TERF1: variants seen among roughly 807,000 people sequenced by gnomAD.
The protein encoded by TERF1 is telomeric repeat-binding factor 1.
In TERF1, 20 loss-of-function variants were observed where a neutral mutation model predicts 55.1. The ratio of observed to expected loss-of-function variants is 0.36; its 90% CI spans 0.26 to 0.53. The LOEUF is 0.53. Among genes scored for constraint, TERF1 ranks in the 20% least tolerant of loss-of-function variants. The pLI, the probability that TERF1 is intolerant of heterozygous loss-of-function variation, is 0.91. For synonymous variants in TERF1, 168 were observed against 181.2 expected, an observed-to-expected ratio of 0.93 and a Z score of 0.59; for missense variants, 439 against 535.7, an observed-to-expected ratio of 0.82 and a Z score of 1.78.
Position 73,046,382 on chromosome 8 carries a change from C to T in TERF1, c.*245C>T, listed in dbSNP as rs1267480116. 3 of 286,828 alleles carry T rather than the reference C, an allele frequency of 1.0e-5. No homozygotes were observed. The highest frequency in any genetic ancestry group is 1.9e-5 in the Non-Finnish European group (3 of 156,108). The allele number at this position is 286,828 out of a possible 1,614,324, so 17.8% of individuals were successfully genotyped here. A position where few individuals can be genotyped will look rare whatever the true frequency, so the allele number is the denominator to read the frequency against. Reference sequence around the variant, plus strand: ...ACCCTGCCACATTTAGTATCCCCACCCCCAAATCCTGTTCCAATGAAAAAA... The same window carrying T: ...ACCCTGCCACATTTAGTATCCCCACTCCCAAATCCTGTTCCAATGAAAAAA... On this transcript the variant is annotated 3_prime_UTR_variant, in exon 10 of 10. Coordinates refer to ENST00000276603, the MANE Select transcript of TERF1 (RefSeq NM_017489.3).
chr8:73,013,699 A>G, intron 1 of TERF1, 196 bp from the exon 2 acceptor site: 1 of 537,946 alleles, frequency 1.9e-6, no homozygotes, highest in East Asian at 3.6e-5. Context: ...TCTACATGTG[A>G]AAGTTATATT....
intron 4 of TERF1, among the ~76,000 whole-genome samples, chr8:73,023,062 CAA>C (rs1349116247): frequency 1.0e-5 from 1 of 98,108 alleles, no homozygotes; most frequent in African/African-American, 3.2e-5. Flanking sequence ...TGTTTAGGAA[CAA>C]AAAGATACAA....
chr8:73,016,343 G>T lies in TERF1; in HGVS notation c.415+2353G>T, dbSNP rs970423893. Among the ~76,000 whole-genome samples the T allele has an allele frequency of 2.6e-5, 4 of 152,150 alleles. 1 individual carries two copies. The stretch of plus-strand genomic sequence containing the variant: ...GGTTTGACAAGATTGGACATGTTTG[G>T]GGTGATGTGGCTGTAGACCCCCACG... On this transcript the variant is annotated intron_variant, in intron 2 of 9. Transcript: ENST00000276603.
rs146438503 is a variant in TERF1 at position 73,015,603 on chromosome 8, C to T, written c.415+1613C>T. Among the ~76,000 whole-genome samples the T allele has an allele frequency of 1.3e-3, 193 of 151,772 alleles. 3 individuals carry two copies. Among genetic ancestry groups the T allele is most frequent in the East Asian group, 7.5e-3 (39 of 5,170 alleles). On this transcript the variant is annotated intron_variant, in intron 2 of 9. Coordinates refer to ENST00000276603, the MANE Select transcript of TERF1 (RefSeq NM_017489.3). ...CTGTAATCCCAGCACTTTGGGAGGC[C>T]GAGGTGAGCGGATCACGAGGCCAGG...
At chr8:73,025,453 A>G (rs1435750760) in intron 5 of TERF1, among the ~76,000 whole-genome samples, 2 of 151,362 alleles carry the variant, frequency 1.3e-5, no homozygotes, top group African/African-American at 4.9e-5. Flanking sequence ...CTACAAAAAA[A>G]TACAAAAAAA....
rs763644823 is a variant in TERF1 at position 73,008,962 on chromosome 8, G to A, written c.76G>A (p.Glu26Lys). Reference protein sequence around the residue: ...ADGRDADPTEEQMAETERNDE... With the variant: ...ADGRDADPTEKQMAETERNDE... ...TGGTAGGGATGCCGACCCTACTGAGGAGCAGATGGCAGAAACAGAGAGAAA... is the reference window on the plus strand; with the variant it reads ...TGGTAGGGATGCCGACCCTACTGAGAAGCAGATGGCAGAAACAGAGAGAAA... Residue 26 changes from glutamate to lysine, a missense_variant, in exon 1 of 10, where the codon GAG (glutamate) becomes AAG (lysine). Transcript: ENST00000276603. 13 of 1,612,884 alleles carry A rather than the reference G, an allele frequency of 8.1e-6. No homozygotes were observed. In the East Asian group the frequency reaches 2.7e-4, roughly 33 times the overall value.
chr8:73,038,679 A>G (rs1277779826), intron 8 of TERF1: 3 of 667,588 alleles, frequency 4.5e-6, no homozygotes, highest in Non-Finnish European at 5.6e-6. Context: ...ATCATTTTTC[A>G]GTAATTACAG....
At position 73,045,988 on chromosome 8, in the gene TERF1, T is replaced by A; in HGVS notation, c.1171T>A (p.Leu391Met). 6.3e-7 allele frequency: 1 copy of A among 1,587,398 alleles called. No individual in the cohort carries two copies. Among genetic ancestry groups the A allele is most frequent in the Non-Finnish European group, 8.5e-7 (1 of 1,170,116 alleles). Residue 391 changes from leucine (L) to methionine (M), a missense_variant, in exon 10 of 10, where the codon TTG (leucine) becomes ATG (methionine). Physicochemically the swap from Leu to Met is conservative, Grantham distance 15 (BLOSUM62 2). Coordinates refer to ENST00000276603, the MANE Select transcript of TERF1 (RefSeq NM_017489.3). ...ATGGCTTTGGGAAGAAGACAAGAAT[T>A]TGAGATCTGGCGTGAGGAAATATGG... The part of the protein sequence containing the change: ...QAWLWEEDKN[L>M]RSGVRKYGEG...
intron 7 of TERF1, 151 bp downstream of exon 7, chr8:73,030,546 C>A: frequency 2.0e-6 from 1 of 497,522 alleles, no homozygotes; most frequent in East Asian, 3.6e-5. Flanking sequence ...GACTCTGAGA[C>A]ATCTTGAAAT....
intron 8 of TERF1, among the ~76,000 whole-genome samples, chr8:73,032,715 A>C (rs1809340660): frequency 6.6e-6 from 1 of 152,204 alleles, no homozygotes; most frequent in Non-Finnish European, 1.5e-5. Flanking sequence ...TTTCAGAAAC[A>C]TTAAGTACAG....
At chr8:73,042,094 T>A (rs1339579259) in intron 9 of TERF1, among the ~76,000 whole-genome samples, 1 of 152,172 alleles carries the variant, frequency 6.6e-6, no homozygotes, top group African/African-American at 2.4e-5. Flanking sequence ...GTTCAACAGC[T>A]TTTTTCTTCT....
intron 1 of TERF1, 167 bp downstream of exon 1, chr8:73,009,372 C>G (rs1808181785): frequency 4.8e-6 from 3 of 621,996 alleles, no homozygotes; most frequent in African/African-American, 1.9e-5. Flanking sequence ...CCGGTTCGCC[C>G]GTTGTCAGCA....
intron 9 of TERF1, among the ~76,000 whole-genome samples, chr8:73,045,240 C>T (rs926744159): frequency 2.0e-5 from 3 of 151,994 alleles, no homozygotes; most frequent in East Asian, 1.9e-4. Flanking sequence ...GTTGATGAAC[C>T]GGGTTTTTAA....
intron 4 of TERF1, among the ~76,000 whole-genome samples, chr8:73,023,013 G>C (rs757141280): frequency 6.6e-6 from 1 of 152,102 alleles, no homozygotes; most frequent in South Asian, 2.1e-4. Flanking sequence ...ATCATCTCTA[G>C]ATTATGTATA....
Position 73,029,352 on chromosome 8 carries a change from C to A in TERF1, c.888-984C>A, listed in dbSNP as rs138333773. On this transcript the variant is annotated intron_variant, in intron 6 of 9. Transcript: ENST00000276603. ...ACAAAAATGGTGTAATAGCCAGGAA[C>A]AGTGGCTCACACCTGTAATCCCAGC... Among the ~76,000 whole-genome samples, 5 of 152,262 alleles carry A rather than the reference C, an allele frequency of 3.3e-5. No individual in the cohort carries two copies. The South Asian group carries it at 1.0e-3, about 32-fold the overall frequency.
At chr8:73,037,064 T>C (rs942500223) in intron 8 of TERF1, among the ~76,000 whole-genome samples, 12 of 136,890 alleles carry the variant, frequency 8.8e-5, no homozygotes, top group Non-Finnish European at 3.1e-5. Context: ...AATTATAATA[T>C]ATATAATAAT....
intron 9 of TERF1, among the ~76,000 whole-genome samples, chr8:73,045,268 G>T (rs896722361): frequency 1.3e-5 from 2 of 152,132 alleles, no homozygotes; most frequent in African/African-American, 4.8e-5. Context: ...CTGAAGTGCT[G>T]GAGAATTTCT....
At chr8:73,020,874 C>A in intron 3 of TERF1, 69 bp downstream of exon 3, 1 of 990,708 alleles carries the variant, frequency 1.0e-6, no homozygotes, top group Non-Finnish European at 1.5e-6. Flanking sequence ...TTAAGAGGAA[C>A]CTAGTAGAAG....
intron 5 of TERF1, 56 bp downstream of exon 5, chr8:73,025,027 A>G (rs1450104000): frequency 9.2e-7 from 1 of 1,081,200 alleles, no homozygotes; most frequent in Non-Finnish European, 1.3e-6. Context: ...CGTTATAATA[A>G]AGGAGAATAC....
Sources: gnomAD v4.1 joint callset for allele counts (sites outside exome capture counted in the v4.1 genomes callset) on GRCh38, gnomAD v4.1.1 for gene constraint, MANE v1.5 for transcripts, NCBI Gene and HGNC (gene_info 2026-07-23, HGNC 2026-07-21) for gene names.